UNKL: variants seen among roughly 807,000 people sequenced by gnomAD.
The protein encoded by UNKL is putative E3 ubiquitin-protein ligase UNKL.
A neutral mutation model predicts 78.0 loss-of-function variants in UNKL; 60 were observed. The ratio of observed to expected loss-of-function variants is 0.77; its 90% CI spans 0.63 to 0.95. The LOEUF is 0.95. Among genes scored for constraint, UNKL ranks in the 40% least tolerant of loss-of-function variants. The pLI is 0.00. For missense variants in UNKL, 1,159 were observed against 1,045.7 expected (o/e 1.11, Z -1.49); for synonymous variants, 608 against 474.8 (o/e 1.28, Z -3.65).
intron 3 of UNKL, among the ~76,000 whole-genome samples, chr16:1,402,177 G>C (rs1279253271): frequency 1.3e-5 from 2 of 149,732 alleles, no homozygotes; most frequent in African/African-American, 5.0e-5. Flanking sequence ...CTCAACCCCA[G>C]TGAGCTGCCC....
intron 10 of UNKL, among the ~76,000 whole-genome samples, chr16:1,376,053 G>C (rs1037198538): frequency 6.6e-6 from 1 of 151,254 alleles, no homozygotes; most frequent in African/African-American, 2.5e-5. Flanking sequence ...GATCTGTGGC[G>C]GGCAGGGCCT....
chr16:1,383,041 C>G (rs1044017935), intron 10 of UNKL, among the ~76,000 whole-genome samples: 3 of 148,202 alleles, frequency 2.0e-5, no homozygotes, highest in Non-Finnish European at 3.0e-5. Context: ...GGGCAGATCA[C>G]GAGGTCAGGA....
intron 5 of UNKL, among the ~76,000 whole-genome samples, chr16:1,397,699 C>T (rs577014983): frequency 5.0e-4 from 7 of 13,998 alleles, no homozygotes; most frequent in Non-Finnish European, 9.5e-4. Context: ...CCACCCCGAC[C>T]CCCGTGCTTC....
chr16:1,399,838 T>G lies in UNKL; in HGVS notation c.599-329A>C, dbSNP rs9922029. On this transcript the variant is annotated intron_variant, in intron 4 of 14. Coordinates refer to ENST00000389221, the MANE Select transcript of UNKL (RefSeq NM_001372107.1). This position sits in a 1 kb window ranked among gnomAD's most constrained non-coding sequence, Gnocchi z 5.8. ...CGGCTTCCTTGCTGGGGGATGAAAA[T>G]GTTCTCCAACTAGAGAGAGGTGATG... Among the ~76,000 whole-genome samples, 2 of 152,154 alleles carry G rather than the reference T, an allele frequency of 1.3e-5. No homozygotes were observed. The highest frequency in any genetic ancestry group is 2.9e-5 in the Non-Finnish European group (2 of 68,030).
At chr16:1,405,297 C>A (rs59090108) in intron 2 of UNKL, among the ~76,000 whole-genome samples, 314 of 147,780 alleles carry the variant, frequency 2.1e-3, no homozygotes, top group African/African-American at 7.9e-3. Flanking sequence ...GGAAGGAAGG[C>A]AGGCAGCCAG....
Position 1,399,543 on chromosome 16 carries a change from C to T in UNKL, c.599-34G>A, listed in dbSNP as rs534380863. On this transcript the variant is annotated intron_variant, in intron 4 of 14. Coordinates refer to ENST00000389221, the MANE Select transcript of UNKL (RefSeq NM_001372107.1). This position sits in a 1 kb window ranked among gnomAD's most constrained non-coding sequence, Gnocchi z 5.8. ...TGGGCCACACGGTGCCTGAGCAGCG[C>T]GACTGGAAGCAATGCTGGGCAGAGG... is the stretch of plus-strand genomic sequence containing the variant. The T allele has an allele frequency of 2.3e-5, 36 of 1,568,728 alleles. No individual in the cohort carries two copies. The highest frequency in any genetic ancestry group is 1.8e-4 in the Middle Eastern group (1 of 5,698).
At chr16:1,398,797 G>A (rs2142182742) in intron 5 of UNKL, 1 of 1,543,890 alleles carries the variant, frequency 6.5e-7, no homozygotes, top group East Asian at 2.4e-5. Context: ...CAAGCAGGCT[G>A]CGAGGTGCCA....
chr16:1,399,060 G>T lies in UNKL; in HGVS notation c.734+314C>A. On this transcript the variant is annotated intron_variant, in intron 5 of 14. Coordinates refer to ENST00000389221, the MANE Select transcript of UNKL (RefSeq NM_001372107.1). The surrounding 1 kb of genome is among the most constrained non-coding windows in gnomAD (Gnocchi z 5.8). ...GTGGCTGCAACCAGAGGCACGGGTG[G>T]GGCACACGGGGGTCCCAGCTGGGCT... 7.3e-7 allele frequency: 1 copy of T among 1,375,092 alleles called. No individual in the cohort carries two copies. Among genetic ancestry groups the T allele is most frequent in the Non-Finnish European group, 9.6e-7 (1 of 1,043,388 alleles). 85.2% of individuals were successfully genotyped at this position (1,375,092 alleles called of 1,614,324 possible). A position where few individuals can be genotyped will look rare whatever the true frequency, so the allele number is the denominator to read the frequency against.
intron 2 of UNKL, among the ~76,000 whole-genome samples, chr16:1,409,973 A>G (rs1435517731): frequency 6.6e-6 from 1 of 151,902 alleles, no homozygotes; most frequent in African/African-American, 2.4e-5. Context: ...CCAGCTACTC[A>G]GGAGGCTGAG....
At position 1,403,146 on chromosome 16, in the gene UNKL, C is replaced by T. The variant is rs201690163; in HGVS notation, c.464+22G>A. The stretch of plus-strand genomic sequence containing the variant: ...CCACAGCAGCAGGCAGGCCAAGTGC[C>T]CACTCGTGGATGCCCACTCACCTGA... On this transcript the variant is annotated intron_variant, in intron 3 of 14. Coordinates refer to ENST00000389221, the MANE Select transcript of UNKL (RefSeq NM_001372107.1). The surrounding 1 kb of genome is among the most constrained non-coding windows in gnomAD (Gnocchi z 4.8). The T allele has an allele frequency of 5.0e-6, 8 of 1,597,252 alleles. No individual in the cohort carries two copies. The East Asian group carries it at 1.1e-4, about 22-fold the overall frequency.
chr16:1,380,276 CTA>C, intron 10 of UNKL, among the ~76,000 whole-genome samples: 1 of 150,570 alleles, frequency 6.6e-6, no homozygotes, highest in Non-Finnish European at 1.5e-5. Flanking sequence ...GGAAACTGTA[CTA>C]TTAACACAAG....
At chr16:1,382,103 G>A (rs1213502267) in intron 10 of UNKL, among the ~76,000 whole-genome samples, 1 of 152,232 alleles carries the variant, frequency 6.6e-6, no homozygotes, top group Non-Finnish European at 1.5e-5. Flanking sequence ...GGAACAACAT[G>A]TACGCCCTAG....
At position 1,401,909 on chromosome 16, in the gene UNKL, C is replaced by A. The variant is rs534954669; in HGVS notation, c.465-208G>T. 3.3e-5 allele frequency among the ~76,000 whole-genome samples: 5 copies of A among 152,310 alleles called. No homozygotes were observed. The East Asian group carries it at 9.6e-4, about 29-fold the overall frequency. ...AACCACTTCATTTTGTTTGCTTTGT[C>A]TTGTTTGAGACAGGGTCTGGCTCTG... On this transcript the variant is annotated intron_variant, in intron 3 of 14. Transcript: ENST00000389221.
intron 10 of UNKL, among the ~76,000 whole-genome samples, chr16:1,376,172 A>G (rs1688687550): frequency 1.8e-5 from 2 of 111,256 alleles, no homozygotes; most frequent in South Asian, 6.1e-4. Context: ...CCCTCAGTCC[A>G]AGGCTGGGGC....
intron 2 of UNKL, among the ~76,000 whole-genome samples, chr16:1,411,696 G>T (rs1187214141): frequency 6.6e-6 from 1 of 151,662 alleles, no homozygotes; most frequent in Admixed American, 6.6e-5. Flanking sequence ...GTGGTGGCAC[G>T]CGCCTGTAAT....
intron 8 of UNKL, among the ~76,000 whole-genome samples, chr16:1,392,591 C>T (rs2142137020): frequency 6.6e-6 from 1 of 152,286 alleles, no homozygotes; most frequent in East Asian, 1.9e-4. Context: ...CCCACCACCA[C>T]ACCTGGTTAA....
chr16:1,405,016 A>T (rs1288333767), intron 2 of UNKL, among the ~76,000 whole-genome samples: 1 of 152,070 alleles, frequency 6.6e-6, no homozygotes, highest in East Asian at 1.9e-4. Flanking sequence ...CAACATGGTG[A>T]GTCCCCATCT....
In UNKL at chr16:1,369,930, G is replaced by C. The variant is rs537054483; in HGVS notation, c.1585+200C>G. 114 of 1,545,672 alleles carry C rather than the reference G, an allele frequency of 7.4e-5. No individual in the cohort carries two copies. The African/African-American group carries it at 1.1e-3, about 15-fold the overall frequency. ...GCGGAGGTTGCGGCGAGCCGAGATCGTACCATTGCAGTCCAACCTGGGCGA... is the reference window on the plus strand; with the variant it reads ...GCGGAGGTTGCGGCGAGCCGAGATCCTACCATTGCAGTCCAACCTGGGCGA... On this transcript the variant is annotated intron_variant, in intron 12 of 14. Coordinates refer to ENST00000389221, the MANE Select transcript of UNKL (RefSeq NM_001372107.1).
In UNKL at chr16:1,367,729, C is replaced by T. The variant is rs776593582; in HGVS notation, c.1715G>A (p.Arg572Gln). Reference protein sequence around the residue: ...SASPNGAELARVRRQLDEAKR... With the variant: ...SASPNGAELAQVRRQLDEAKR... ...GGCCTCGTCCAGCTGCCGCCTGACC[C>T]GGGCCAGCTCAGCTCCGTTTGGACT... The change falls in exon 13 of 15, where the codon CGG becomes CAG. Residue 572 changes from arginine (R) to glutamine (Q), a missense_variant. By Grantham distance (43) the Arg-to-Gln change is conservative. Coordinates refer to ENST00000389221, the MANE Select transcript of UNKL (RefSeq NM_001372107.1). 36 of 1,579,006 alleles carry T rather than the reference C, an allele frequency of 2.3e-5. No individual in the cohort carries two copies. Among genetic ancestry groups the T allele is most frequent in the African/African-American group, 6.8e-5 (5 of 73,976 alleles).
Sources: gnomAD v4.1 joint callset for allele counts (sites outside exome capture counted in the v4.1 genomes callset) on GRCh38, gnomAD v4.1.1 for gene constraint, Gnocchi (gnomAD v3.1) non-coding constraint, MANE v1.5 for transcripts, NCBI Gene and HGNC (gene_info 2026-07-23, HGNC 2026-07-21) for gene names.